Variants in SCLT1 observed in about 807,000 individuals in gnomAD.
The protein encoded by SCLT1 is sodium channel-associated protein 1.
A neutral mutation model predicts 112.8 loss-of-function variants in SCLT1; 78 were observed. The ratio of observed to expected loss-of-function variants is 0.69; its 90% CI spans 0.58 to 0.83. The LOEUF is 0.83. SCLT1 is among the 40% of genes least tolerant of loss of function. The pLI, the probability that SCLT1 is intolerant of heterozygous loss-of-function variation, is 0.00. For missense variants in SCLT1, 747 were observed against 770.4 expected (o/e 0.97, Z 0.36); for synonymous variants, 257 against 254.7 (o/e 1.01, Z -0.09).
chr4:128,952,835 T>C lies in SCLT1; in HGVS notation c.1152A>G (p.Ala384=), dbSNP rs1304949701. The change falls in exon 14 of 21, where the codon GCA becomes GCG. Residue 384 remains alanine, a synonymous_variant. Coordinates refer to ENST00000281142, the MANE Select transcript of SCLT1 (RefSeq NM_144643.4). ...DATIRTKKEV[A]NTKKQCNIQI... Reference sequence around the variant, plus strand: ...GTATATTACATTGTTTTTTGGTGTTTGCAACCTGTAAATTAAGACATTTAC... The same window carrying C: ...GTATATTACATTGTTTTTTGGTGTTCGCAACCTGTAAATTAAGACATTTAC... The C allele has an allele frequency of 4.0e-6, 6 of 1,518,524 alleles. No homozygotes were observed. The highest frequency in any genetic ancestry group is 5.5e-6 in the Non-Finnish European group (6 of 1,093,400). The allele number at this position is 1,518,524 out of a possible 1,614,324, so 94.1% of individuals were successfully genotyped here. A position where few individuals can be genotyped will look rare whatever the true frequency, so the allele number is the denominator to read the frequency against.
intron 4 of SCLT1, among the ~76,000 whole-genome samples, chr4:129,040,905 C>A (rs965333275): frequency 1.3e-5 from 2 of 152,052 alleles, no homozygotes; most frequent in Non-Finnish European, 2.9e-5. Flanking sequence ...GGCTTTCTAG[C>A]ATAGTTTATT....
chr4:128,898,357 C>T (rs990161801), intron 18 of SCLT1, among the ~76,000 whole-genome samples: 70 of 150,464 alleles, frequency 4.7e-4, no homozygotes, highest in African/African-American at 1.5e-3. Context: ...CTAGAGCTCA[C>T]GATTAAGAAA....
chr4:129,057,202 C>T lies in SCLT1; in HGVS notation c.103-13151G>A, dbSNP rs183644025. ...ATCCCACTTGATAATGGTAAATAAT[C>T]CTTTTAATATGCTGCTGGATTCTTT... On this transcript the variant is annotated intron_variant, in intron 2 of 20. Coordinates refer to ENST00000281142, the MANE Select transcript of SCLT1 (RefSeq NM_144643.4). 1.8e-3 allele frequency among the ~76,000 whole-genome samples: 273 copies of T among 152,136 alleles called. 3 individuals carry two copies. Among genetic ancestry groups the T allele is most frequent in the East Asian group, 0.013 (68 of 5,178 alleles).
intron 5 of SCLT1, among the ~76,000 whole-genome samples, chr4:129,016,292 T>G (rs1744987949): frequency 6.6e-6 from 1 of 152,158 alleles, no homozygotes; most frequent in African/African-American, 2.4e-5. Context: ...AAGCCCTACA[T>G]GCATTAACTA....
At position 128,876,846 on chromosome 4, in the gene SCLT1, T is replaced by G. The variant is rs560938854; in HGVS notation, n.226-210A>C. On this transcript the variant is annotated intron_variant and non_coding_transcript_variant, in intron 3 of 7. Transcript: ENST00000503565. Reference sequence around the variant, plus strand: ...CTATATCCTGTTTTAGAGAATGTCCTCCTAGACTGAAACCTGGGAGTCCTT... The same window carrying G: ...CTATATCCTGTTTTAGAGAATGTCCGCCTAGACTGAAACCTGGGAGTCCTT... Among the ~76,000 whole-genome samples the G allele has an allele frequency of 2.6e-5, 4 of 152,334 alleles. No homozygotes were observed. The South Asian group carries it at 8.3e-4, about 32-fold the overall frequency.
chr4:128,999,543 CATAAATA>C, intron 7 of SCLT1, 122 bp downstream of exon 7: 1 of 518,030 alleles, frequency 1.9e-6, no homozygotes, highest in East Asian at 3.2e-5. Context: ...ATATTATTAA[CATAAATA>C]ATAAAGTGAT....
At chr4:129,032,480 T>C (rs1161199794) in intron 5 of SCLT1, among the ~76,000 whole-genome samples, 3 of 151,874 alleles carry the variant, frequency 2.0e-5, no homozygotes, top group Non-Finnish European at 4.4e-5. Context: ...AAAGCCAAAA[T>C]TGACAAATGG....
At chr4:128,912,015 GA>G (rs746416192) in intron 18 of SCLT1, among the ~76,000 whole-genome samples, 1 of 152,188 alleles carries the variant, frequency 6.6e-6, no homozygotes, top group Non-Finnish European at 1.5e-5. Flanking sequence ...TGCACACAGA[GA>G]AGCAGGATGC....
chr4:128,891,167 A>T, intron 18 of SCLT1, 30 bp from the exon 19 acceptor site: 1 of 1,497,136 alleles, frequency 6.7e-7, no homozygotes, highest in Non-Finnish European at 9.3e-7. Flanking sequence ...ATCCATTAAT[A>T]TAATTGTTCC....
chr4:129,082,236 G>T, intron 2 of SCLT1, 70 bp downstream of exon 2: 1 of 628,892 alleles, frequency 1.6e-6, no homozygotes, highest in Non-Finnish European at 2.7e-6. Flanking sequence ...AAAGTTGTAA[G>T]CCAAGTTTCA....
Position 128,982,790 on chromosome 4 carries a change from C to A in SCLT1, c.686+9377G>T, listed in dbSNP as rs186790836. ...GTGCTGAGATTACAGGCATGAGCTA[C>A]CGCACCTGGCCAGCTAAAATTATTT... On this transcript the variant is annotated intron_variant, in intron 9 of 20. Transcript: ENST00000281142. Among the ~76,000 whole-genome samples, 570 of 152,232 alleles carry A rather than the reference C, an allele frequency of 3.7e-3. 1 individual carries two copies. Among genetic ancestry groups the A allele is most frequent in the African/African-American group, 0.011 (473 of 41,560 alleles).
intron 18 of SCLT1, among the ~76,000 whole-genome samples, chr4:128,911,719 C>A (rs963856968): frequency 1.3e-5 from 2 of 152,226 alleles, no homozygotes; most frequent in Admixed American, 1.3e-4. Flanking sequence ...GAAGTTTCCA[C>A]GGGGAATAAA....
intron 5 of SCLT1, among the ~76,000 whole-genome samples, chr4:129,025,932 A>G (rs1189074986): frequency 6.6e-6 from 1 of 152,122 alleles, no homozygotes; most frequent in Admixed American, 6.6e-5. Flanking sequence ...TTAAACCAAC[A>G]AAGATCAAAA....
intron 5 of SCLT1, among the ~76,000 whole-genome samples, chr4:129,024,485 G>A (rs1745825310): frequency 6.6e-6 from 1 of 152,298 alleles, no homozygotes; most frequent in East Asian, 1.9e-4. Context: ...TGCCGCTGAG[G>A]GTCCTGTCTG....
intron 5 of SCLT1, among the ~76,000 whole-genome samples, chr4:129,023,667 GGGGTGCCAGACAGT>G (rs1232145136): frequency 6.6e-6 from 1 of 152,178 alleles, no homozygotes; most frequent in Non-Finnish European, 1.5e-5. Context: ...ATCTCACTAG[GGGGTGCCAGACAGT>G]GGGTGCAGGA....
chr4:129,092,248 C>T (rs902647321), intron 1 of SCLT1, among the ~76,000 whole-genome samples: 14 of 152,164 alleles, frequency 9.2e-5, no homozygotes, highest in Non-Finnish European at 1.5e-4. Flanking sequence ...ACTGCACTTG[C>T]CATTTCCCTA....
At chr4:129,035,580 C>T (rs1441376561) in intron 5 of SCLT1, among the ~76,000 whole-genome samples, 1 of 152,166 alleles carries the variant, frequency 6.6e-6, no homozygotes, top group East Asian at 1.9e-4. Context: ...CAGATGATGT[C>T]TTCCATACCC....
At chr4:129,019,807 A>T (rs1051348996) in intron 5 of SCLT1, among the ~76,000 whole-genome samples, 1 of 152,182 alleles carries the variant, frequency 6.6e-6, no homozygotes, top group Admixed American at 6.5e-5. Flanking sequence ...TTTGGGATTA[A>T]TACAAAAGAT....
intron 18 of SCLT1, among the ~76,000 whole-genome samples, chr4:128,903,560 G>T (rs958656748): frequency 6.6e-6 from 1 of 150,636 alleles, no homozygotes; most frequent in Non-Finnish European, 1.5e-5. Context: ...AAAACTATTG[G>T]TATTTATTTA....
Sources: gnomAD v4.1 joint callset for allele counts (sites outside exome capture counted in the v4.1 genomes callset) on GRCh38, gnomAD v4.1.1 for gene constraint, MANE v1.5 for transcripts, NCBI Gene and HGNC (gene_info 2026-07-23, HGNC 2026-07-21) for gene names.